PHKB: variants seen among roughly 807,000 people sequenced by gnomAD.
The protein encoded by PHKB is phosphorylase kinase regulatory subunit beta.
In PHKB, 122 loss-of-function variants were observed where a neutral mutation model predicts 152.1. That is an observed-to-expected ratio of 0.80 (90% CI 0.69 to 0.93). The LOEUF (loss-of-function observed/expected upper bound fraction) is 0.93. Ranked by LOEUF, PHKB falls within the 40% of genes least tolerant of loss-of-function variation. The probability of loss-of-function intolerance (pLI) is 0.00; values close to 1 mark genes in which losing one functional copy is unlikely to be tolerated. For synonymous variants in PHKB, 436 were observed against 464.9 expected, an observed-to-expected ratio of 0.94 and a Z score of 0.80; for missense variants, 1,304 against 1,328.4, an observed-to-expected ratio of 0.98 and a Z score of 0.29.
intron 20 of PHKB, among the ~76,000 whole-genome samples, chr16:47,656,016 CT>C (rs887475613): frequency 3.5e-3 from 499 of 143,170 alleles, no homozygotes; most frequent in Middle Eastern, 7.2e-3. Flanking sequence ...AAGAGTTTTA[CT>C]TTTTTTTTTT....
chr16:47,491,963 C>T (rs1005920767), intron 1 of PHKB, among the ~76,000 whole-genome samples: 60 of 152,168 alleles, frequency 3.9e-4, no homozygotes, highest in Admixed American at 3.1e-3. Flanking sequence ...TTTCTTAATA[C>T]CTGACTTTAG....
intron 14 of PHKB, among the ~76,000 whole-genome samples, chr16:47,618,494 A>C (rs1972560506): frequency 6.6e-6 from 1 of 152,146 alleles, no homozygotes; most frequent in South Asian, 2.1e-4. Flanking sequence ...TAAACTGAAC[A>C]CTGTGATATA....
At chr16:47,641,803 C>G in intron 16 of PHKB, 111 bp downstream of exon 16, 1 of 710,814 alleles carries the variant, frequency 1.4e-6, no homozygotes, top group Non-Finnish European at 2.6e-6. Flanking sequence ...TGATATAGGA[C>G]CAGTAATCCA....
chr16:47,604,777 TG>T (rs1321586380), intron 13 of PHKB, among the ~76,000 whole-genome samples: 3 of 152,024 alleles, frequency 2.0e-5, no homozygotes, highest in African/African-American at 7.2e-5. Flanking sequence ...AAACCTTCTG[TG>T]AAAAAAAAAT....
intron 26 of PHKB, among the ~76,000 whole-genome samples, chr16:47,686,501 A>ATTATTTG (rs1276092294): frequency 6.6e-6 from 1 of 152,196 alleles, no homozygotes; most frequent in Non-Finnish European, 1.5e-5. Context: ...TTTTATAGAC[A>ATTATTTG]TTATTTGTTC....
chr16:47,688,907 G>T (rs983150130), intron 26 of PHKB, 134 bp from the exon 27 acceptor site: 2 of 904,708 alleles, frequency 2.2e-6, no homozygotes, highest in Non-Finnish European at 3.7e-6. Flanking sequence ...TGTATCAACG[G>T]TTCAGGAAAC....
At chr16:47,561,698 G>C (rs1475543793) in intron 7 of PHKB, 1 of 152,160 alleles carries the variant, frequency 6.6e-6, no homozygotes, top group Admixed American at 6.5e-5. Flanking sequence ...AAAGCCTCTG[G>C]ATAGCAATTA....
chr16:47,620,501 T>C (rs1220031988), intron 14 of PHKB, among the ~76,000 whole-genome samples: 1 of 152,216 alleles, frequency 6.6e-6, no homozygotes, highest in Non-Finnish European at 1.5e-5. Context: ...GAAATTAACC[T>C]ATGGGAGCAG....
intron 4 of PHKB, among the ~76,000 whole-genome samples, chr16:47,510,713 T>G (rs1970495842): frequency 1.3e-5 from 2 of 152,182 alleles, no homozygotes; most frequent in Non-Finnish European, 2.9e-5. Flanking sequence ...GATAGTATTT[T>G]AAGGAGAAGA....
chr16:47,468,184 A>G (rs1476776250), intron 1 of PHKB, among the ~76,000 whole-genome samples: 2 of 152,170 alleles, frequency 1.3e-5, no homozygotes, highest in Non-Finnish European at 2.9e-5. Flanking sequence ...CTACCTCCCT[A>G]GTCCAAGCCA....
chr16:47,653,606 T>C (rs1227938371), intron 20 of PHKB, among the ~76,000 whole-genome samples: 1 of 152,180 alleles, frequency 6.6e-6, no homozygotes, highest in Non-Finnish European at 1.5e-5. Context: ...AGATATGTCT[T>C]GGTCATATTA....
At chr16:47,462,698 A>T (rs1198510533) in intron 1 of PHKB, 1 of 144,256 alleles carries the variant, frequency 6.9e-6, no homozygotes, top group East Asian at 2.0e-4. Flanking sequence ...TTTCCTATTT[A>T]TGAAGTTCTT....
At chr16:47,545,660 T>C (rs1971148661) in intron 6 of PHKB, among the ~76,000 whole-genome samples, 1 of 152,242 alleles carries the variant, frequency 6.6e-6, no homozygotes, top group African/African-American at 2.4e-5. Context: ...GTTGGGGAAG[T>C]TCTCCTGGAT....
intron 20 of PHKB, among the ~76,000 whole-genome samples, chr16:47,654,602 CCATGGA>C (rs1973299613): frequency 1.3e-5 from 2 of 152,078 alleles, no homozygotes; most frequent in Admixed American, 1.3e-4. Context: ...CACATATACA[CCATGGA>C]ATACTATGCA....
intron 8 of PHKB, among the ~76,000 whole-genome samples, chr16:47,582,866 G>A (rs570358806): frequency 1.3e-5 from 2 of 152,044 alleles, no homozygotes; most frequent in Admixed American, 6.5e-5. Flanking sequence ...GCACGATCTC[G>A]GCTCACTGCA....
chr16:47,595,585 C>A (rs1375875861), intron 12 of PHKB, among the ~76,000 whole-genome samples: 1 of 152,146 alleles, frequency 6.6e-6, no homozygotes, highest in African/African-American at 2.4e-5. Flanking sequence ...ATGGGGATTT[C>A]TTTGCTCTAG....
intron 12 of PHKB, among the ~76,000 whole-genome samples, chr16:47,594,957 T>A (rs1972092513): frequency 6.6e-6 from 1 of 152,180 alleles, no homozygotes; most frequent in South Asian, 2.1e-4. Flanking sequence ...TATCTCAGAG[T>A]AAATACTTAA....
At chr16:47,586,897 C>T (rs941736396) in intron 8 of PHKB, among the ~76,000 whole-genome samples, 1 of 148,124 alleles carries the variant, frequency 6.8e-6, no homozygotes, top group Non-Finnish European at 1.5e-5. Flanking sequence ...TTCATTCAAG[C>T]TTTTTTTTTT....
chr16:47,507,269 C>G (rs1024404437), intron 4 of PHKB, among the ~76,000 whole-genome samples: 9 of 151,748 alleles, frequency 5.9e-5, no homozygotes, highest in Non-Finnish European at 2.9e-5. Flanking sequence ...GCCACCATGC[C>G]TGGCCAACTT....
Sources: allele counts gnomAD v4.1 joint callset (sites outside exome capture counted in the v4.1 genomes callset), GRCh38; gene constraint gnomAD v4.1.1; transcripts MANE v1.5; gene names NCBI Gene and HGNC (gene_info 2026-07-23, HGNC 2026-07-21).